The following CFAP47 variants were observed in gnomAD, a reference collection of about 807,000 sequenced individuals.
CFAP47 encodes the protein cilia- and flagella-associated protein 47.
A neutral mutation model predicts 148.1 loss-of-function variants in CFAP47; 29 were observed. That is an observed-to-expected ratio of 0.20 (90% CI 0.15 to 0.27). CFAP47 has a LOEUF of 0.27. CFAP47 is among the 10% of genes least tolerant of loss of function. CFAP47 has a pLI of 1.00. For missense variants in CFAP47, 1,872 were observed against 1,697.5 expected, an observed-to-expected ratio of 1.10 and a Z score of -1.81; for synonymous variants, 664 against 577.3, an observed-to-expected ratio of 1.15 and a Z score of -2.15.
intron 22 of CFAP47, among the ~76,000 whole-genome samples, chrX:36,029,074 G>C (rs949914026): frequency 9.0e-6 from 1 of 110,593 alleles, no homozygotes; most frequent in Non-Finnish European, 1.9e-5. Flanking sequence ...CTCATTATTG[G>C]TCTGTTCAGG....
chrX:36,374,901 T>C, intron 62 of CFAP47: 2 of 726,324 alleles, frequency 2.8e-6, no homozygotes, highest in Non-Finnish European at 2.1e-6. Context: ...ACTGGCACAA[T>C]GGAATCAGAT....
At chrX:35,924,263 GTGTACATGTATGTGTATA>G (rs1569201697) in intron 1 of CFAP47, among the ~76,000 whole-genome samples, 1 of 98,000 alleles carries the variant, frequency 1.0e-5, no homozygotes, top group Non-Finnish European at 1.9e-5. Context: ...GGACATGTAT[GTGTACATGTATGTGTATA>G]TGTACATGTA....
Position 36,175,612 on chromosome X carries a change from G to A in CFAP47, c.6027-3733G>A, listed in dbSNP as rs771178182. On this transcript the variant is annotated intron_variant, in intron 39 of 63. Coordinates refer to ENST00000378653, the MANE Select transcript of CFAP47 (RefSeq NM_001304548.2). ...GTGGTGCCTCCCAGTTAGGCTGCTC[G>A]GATGTCAGCAGTCAGGGACCCACTT... is the stretch of plus-strand genomic sequence containing the variant. 4.5e-5 allele frequency among the ~76,000 whole-genome samples: 5 copies of A among 112,181 alleles called. No homozygotes were observed. In the South Asian group the frequency reaches 1.1e-3, roughly 25 times the overall value.
At chrX:36,196,971 G>A (rs1372384274) in intron 42 of CFAP47, among the ~76,000 whole-genome samples, 1 of 111,205 alleles carries the variant, frequency 9.0e-6, no homozygotes, top group Non-Finnish European at 1.9e-5. Context: ...TGCCTTTCAT[G>A]GTCTAATTTT....
At chrX:36,229,510 T>A (rs1350289531) in intron 46 of CFAP47, among the ~76,000 whole-genome samples, 1 of 111,658 alleles carries the variant, frequency 9.0e-6, no homozygotes, top group African/African-American at 3.2e-5. Flanking sequence ...TATTAAATGA[T>A]CCTTCGATAG....
At chrX:36,086,354 A>G (rs1938087566) in intron 30 of CFAP47, among the ~76,000 whole-genome samples, 1 of 111,386 alleles carries the variant, frequency 9.0e-6, no homozygotes, top group South Asian at 3.7e-4. Flanking sequence ...ACATGTTATT[A>G]CTCCCTCTTC....
intron 48 of CFAP47, among the ~76,000 whole-genome samples, chrX:36,239,400 C>T (rs967513634): frequency 1.8e-5 from 2 of 112,180 alleles, no homozygotes; most frequent in Non-Finnish European, 3.8e-5. Context: ...TTGAATTATT[C>T]TTATCCCTCT....
chrX:35,920,681 A>G (rs1935564127), intron 1 of CFAP47, among the ~76,000 whole-genome samples: 1 of 111,443 alleles, frequency 9.0e-6, no homozygotes, highest in African/African-American at 3.3e-5. Context: ...TCACTGTGTT[A>G]TTTTACATCA....
At chrX:36,211,568 G>T in intron 45 of CFAP47, 1 of 296,304 alleles carries the variant, frequency 3.4e-6, no homozygotes. Flanking sequence ...TGAAGCTGAA[G>T]GAAAAATACA....
chrX:35,975,638 TC>T (rs1367237515), intron 14 of CFAP47, 33 bp from the exon 15 acceptor site: 8 of 1,192,126 alleles, frequency 6.7e-6, no homozygotes, highest in African/African-American at 1.8e-5. Flanking sequence ...ATAACTATTA[TC>T]AGTTAAATTT....
chrX:36,068,958 A>G (rs1345677158), intron 27 of CFAP47, among the ~76,000 whole-genome samples: 1 of 107,663 alleles, frequency 9.3e-6, no homozygotes, highest in African/African-American at 3.3e-5. Flanking sequence ...CCTCAATTAA[A>G]AAAAAAAAAA....
chrX:36,239,926 C>T (rs1940520711), intron 48 of CFAP47, among the ~76,000 whole-genome samples: 1 of 111,722 alleles, frequency 9.0e-6, no homozygotes, highest in African/African-American at 3.3e-5. Flanking sequence ...ATACAGTACT[C>T]CTTGTCAAAG....
chrX:36,366,365 AC>A (rs1160103079), intron 61 of CFAP47, among the ~76,000 whole-genome samples: 1 of 111,632 alleles, frequency 9.0e-6, no homozygotes, highest in Non-Finnish European at 1.9e-5. Context: ...GTCTATCTCT[AC>A]TAACTTTCTT....
intron 22 of CFAP47, among the ~76,000 whole-genome samples, chrX:36,026,298 T>A (rs902680230): frequency 6.3e-5 from 7 of 111,868 alleles, no homozygotes; most frequent in Non-Finnish European, 1.3e-4. Context: ...GGTGCGTTTT[T>A]AAATTTTTAT....
At chrX:36,079,406 C>A (rs1374327202) in intron 29 of CFAP47, among the ~76,000 whole-genome samples, 4 of 111,410 alleles carry the variant, frequency 3.6e-5, no homozygotes, top group Non-Finnish European at 7.5e-5. Flanking sequence ...AACTTCTTTT[C>A]TTGCTTCATT....
At chrX:36,325,359 TA>T (rs1941510020) in intron 57 of CFAP47, among the ~76,000 whole-genome samples, 1 of 111,749 alleles carries the variant, frequency 8.9e-6, no homozygotes, top group African/African-American at 3.3e-5. Context: ...TCACAGACAG[TA>T]CGTGCTGGAA....
intron 39 of CFAP47, among the ~76,000 whole-genome samples, chrX:36,165,745 G>A (rs768675499): frequency 2.7e-5 from 3 of 111,453 alleles, no homozygotes; most frequent in East Asian, 2.8e-4. Flanking sequence ...TTAAAACACC[G>A]TCATTTTTTC....
chrX:36,036,150 C>G (rs188365061), intron 24 of CFAP47, among the ~76,000 whole-genome samples: 4 of 110,929 alleles, frequency 3.6e-5, no homozygotes, highest in African/African-American at 9.8e-5. Context: ...CATTAGATCC[C>G]CAGAAACTTG....
rs1384816196 is a variant in CFAP47 at position 36,161,058 on chromosome X, G to T, written c.6026+289G>T. ...AGATGGGGTTTCACCATGTTGGCCAGGATGATCTCGATCTCTTGACCTCGT... is the reference window on the plus strand; with the variant it reads ...AGATGGGGTTTCACCATGTTGGCCATGATGATCTCGATCTCTTGACCTCGT... On this transcript the variant is annotated intron_variant, in intron 39 of 63. Coordinates refer to ENST00000378653, the MANE Select transcript of CFAP47 (RefSeq NM_001304548.2). 4.5e-5 allele frequency among the ~76,000 whole-genome samples: 5 copies of T among 109,900 alleles called. No individual in the cohort carries two copies. In the Admixed American group the frequency reaches 4.9e-4, roughly 11 times the overall value.
Sources: gnomAD v4.1 joint callset for allele counts (sites outside exome capture counted in the v4.1 genomes callset) on GRCh38, gnomAD v4.1.1 for gene constraint, MANE v1.5 for transcripts, NCBI Gene and HGNC (gene_info 2026-07-23, HGNC 2026-07-21) for gene names.